MAGI3: variants seen among roughly 807,000 people sequenced by gnomAD.
MAGI3 encodes membrane associated guanylate kinase, WW and PDZ domain containing 3.
A neutral mutation model predicts 121.8 loss-of-function variants in MAGI3; 43 were observed. The ratio of observed to expected loss-of-function variants is 0.35; its 90% CI spans 0.28 to 0.46. The LOEUF is 0.46. Ranked by LOEUF, MAGI3 falls within the 20% of genes least tolerant of loss-of-function variation. The probability of loss-of-function intolerance (pLI) is 1.00; values close to 1 mark genes in which losing one functional copy is unlikely to be tolerated. For synonymous variants in MAGI3, 553 were observed against 639.3 expected (o/e 0.86, Z 2.04); for missense variants, 1,547 against 1,797.3 (o/e 0.86, Z 2.52).
intron 1 of MAGI3, among the ~76,000 whole-genome samples, chr1:113,481,638 G>A (rs1245966124): frequency 6.6e-6 from 1 of 152,018 alleles, no homozygotes; most frequent in Non-Finnish European, 1.5e-5. Flanking sequence ...TCTAAATCTT[G>A]TAACCCAAAT....
intron 1 of MAGI3, among the ~76,000 whole-genome samples, chr1:113,451,262 C>T (rs1478339332): frequency 2.0e-5 from 3 of 152,148 alleles, no homozygotes; most frequent in African/African-American, 7.2e-5. Context: ...TTATTACAGG[C>T]TTTAACCTGT....
chr1:113,503,873 C>G (rs898532821), intron 1 of MAGI3, among the ~76,000 whole-genome samples: 6 of 152,054 alleles, frequency 3.9e-5, no homozygotes, highest in African/African-American at 1.2e-4. Context: ...TATTTCATCA[C>G]TGGAAATGAG....
At chr1:113,571,357 G>A (rs1216256084) in intron 2 of MAGI3, among the ~76,000 whole-genome samples, 5 of 152,128 alleles carry the variant, frequency 3.3e-5, no homozygotes, top group Non-Finnish European at 7.4e-5. Context: ...TTTTGCTTAG[G>A]ATTGTCTTGG....
In MAGI3 at chr1:113,623,758, A is replaced by G. The variant is rs528082227; in HGVS notation, c.1360+764A>G. On this transcript the variant is annotated intron_variant, in intron 9 of 20. Coordinates refer to ENST00000307546, the MANE Select transcript of MAGI3 (RefSeq NM_001142782.2). ...TGCCTTGGCCTCCCAAAGTGCTGAG[A>G]TTACAGACGTGAGCCACACCGCACC... 2.0e-4 allele frequency among the ~76,000 whole-genome samples: 30 copies of G among 152,152 alleles called. 1 individual carries two copies. In the East Asian group the frequency reaches 5.6e-3, roughly 28 times the overall value.
chr1:113,503,087 A>C (rs1237335459), intron 1 of MAGI3, among the ~76,000 whole-genome samples: 1 of 62,412 alleles, frequency 1.6e-5, no homozygotes, highest in Non-Finnish European at 2.9e-5. Flanking sequence ...GGGAGGGGGG[A>C]GGGGTAGCAT....
At chr1:113,640,276 T>C (rs756748046) in intron 9 of MAGI3, among the ~76,000 whole-genome samples, 1 of 142,406 alleles carries the variant, frequency 7.0e-6, no homozygotes, top group African/African-American at 2.4e-5. Context: ...TTTTACACTA[T>C]TGGTGGGAGT....
At chr1:113,505,512 T>TAATAAATAAATAAATA (rs58511819) in intron 1 of MAGI3, among the ~76,000 whole-genome samples, 6,186 of 135,488 alleles carry the variant, frequency 0.046, 162 homozygotes, top group South Asian at 0.064. Flanking sequence ...GGTCCCTACA[T>TAATAAATAAATAAATA]AATAAATAAA....
At chr1:113,446,817 G>A (rs1654199284) in intron 1 of MAGI3, among the ~76,000 whole-genome samples, 1 of 152,204 alleles carries the variant, frequency 6.6e-6, no homozygotes, top group African/African-American at 2.4e-5. Flanking sequence ...GTTCAATACA[G>A]CAAGAGGACA....
At chr1:113,469,477 T>C (rs1655441609) in intron 1 of MAGI3, among the ~76,000 whole-genome samples, 1 of 152,188 alleles carries the variant, frequency 6.6e-6, no homozygotes, top group African/African-American at 2.4e-5. Flanking sequence ...CTGCTTTTAA[T>C]TGCTTTAAGA....
chr1:113,487,767 T>A (rs929230832), intron 1 of MAGI3, among the ~76,000 whole-genome samples: 36 of 152,076 alleles, frequency 2.4e-4, no homozygotes, highest in Non-Finnish European at 2.9e-5. Flanking sequence ...TTTTCATTTT[T>A]TCTATATTGT....
chr1:113,557,993 A>C (rs1660069797), intron 2 of MAGI3, among the ~76,000 whole-genome samples: 1 of 152,240 alleles, frequency 6.6e-6, no homozygotes, highest in South Asian at 2.1e-4. Context: ...AGACTGTTAA[A>C]AGAAAAACAA....
intron 1 of MAGI3, among the ~76,000 whole-genome samples, chr1:113,437,870 T>C (rs868031375): frequency 0.015 from 272 of 18,470 alleles, 7 homozygotes; most frequent in East Asian, 0.025. Context: ...CTTCCTCTTC[T>C]TCTTCTTCTC....
At chr1:113,534,522 T>C (rs752051782) in intron 1 of MAGI3, among the ~76,000 whole-genome samples, 175 of 152,276 alleles carry the variant, frequency 1.1e-3, no homozygotes, top group Non-Finnish European at 1.9e-3. Context: ...CCAGTCTATG[T>C]TGCCTGGCTT....
intron 15 of MAGI3, among the ~76,000 whole-genome samples, chr1:113,655,138 G>A (rs189135465): frequency 1.1e-4 from 17 of 152,124 alleles, no homozygotes; most frequent in Non-Finnish European, 2.4e-4. Context: ...TGATAATATG[G>A]CGTGTGTCAG....
At chr1:113,551,446 T>G (rs1392863862) in intron 2 of MAGI3, among the ~76,000 whole-genome samples, 2 of 152,206 alleles carry the variant, frequency 1.3e-5, no homozygotes, top group Admixed American at 1.3e-4. Flanking sequence ...CTTCAAAGAT[T>G]TCTACTGACA....
chr1:113,652,995 G>A (rs1653258842), intron 14 of MAGI3, among the ~76,000 whole-genome samples: 1 of 152,194 alleles, frequency 6.6e-6, no homozygotes, highest in African/African-American at 2.4e-5. Context: ...GGTTGGGGAG[G>A]TTGAAGGCTG....
intron 8 of MAGI3, among the ~76,000 whole-genome samples, chr1:113,621,653 G>A (rs1280452868): frequency 6.6e-6 from 1 of 151,696 alleles, no homozygotes; most frequent in Non-Finnish European, 1.5e-5. Context: ...ACTAATGAAT[G>A]GATCAACAAA....
intron 4 of MAGI3, among the ~76,000 whole-genome samples, chr1:113,587,086 C>T (rs1217207): frequency 0.99 from 150,509 of 152,354 alleles, 74,380 homozygotes; most frequent in East Asian, 1. Flanking sequence ...ACAAAGCACC[C>T]GCCTACAAAC....
chr1:113,415,856 A>G (rs1207540007), intron 1 of MAGI3, among the ~76,000 whole-genome samples: 25 of 151,898 alleles, frequency 1.6e-4, no homozygotes, highest in Admixed American at 1.6e-3. Flanking sequence ...AGTGCGTTTT[A>G]TATTTATAAA....
Sources: gnomAD v4.1 joint callset for allele counts (sites outside exome capture counted in the v4.1 genomes callset) on GRCh38, gnomAD v4.1.1 for gene constraint, MANE v1.5 for transcripts, NCBI Gene and HGNC (gene_info 2026-07-23, HGNC 2026-07-21) for gene names.